Variants in FANCB observed in about 807,000 individuals in gnomAD.
The protein encoded by FANCB is Fanconi anemia group B protein.
Under a neutral mutation model 38.9 loss-of-function variants are expected in FANCB, and 5 were observed. The observed-to-expected ratio is 0.13, with a 90% CI of 0.07 to 0.27. FANCB has a LOEUF of 0.27. FANCB is among the 10% of genes least tolerant of loss of function. The pLI is 1.00. For missense variants in FANCB, 573 were observed against 602.7 expected, an observed-to-expected ratio of 0.95 and a Z score of 0.52; for synonymous variants, 236 against 215.4, an observed-to-expected ratio of 1.10 and a Z score of -0.84.
At chrX:14,869,184 C>T (rs1272367048) in intron 1 of FANCB, 141 bp from the exon 2 acceptor site, 1 of 112,031 alleles carries the variant, frequency 8.9e-6, no homozygotes, top group Non-Finnish European at 1.9e-5. Flanking sequence ...TGAGGTAAAG[C>T]TCTAAGAATT....
chrX:14,692,491 T>C, the FANCB span, among the ~76,000 whole-genome samples: 1 of 112,171 alleles, frequency 8.9e-6, no homozygotes, highest in South Asian at 3.7e-4. Context: ...CAACAACTTC[T>C]TTTACATATG....
the FANCB span, among the ~76,000 whole-genome samples, chrX:14,773,134 C>G: frequency 8.0e-5 from 9 of 112,378 alleles, no homozygotes; most frequent in Admixed American, 8.5e-4. Context: ...TGCTTCTAAT[C>G]AGCCATCTTG....
chrX:14,695,621 G>T, the FANCB span, among the ~76,000 whole-genome samples: 4 of 111,658 alleles, frequency 3.6e-5, no homozygotes, highest in East Asian at 1.1e-3. Flanking sequence ...TGGTGTAGTG[G>T]GTCTGAAGTG....
the FANCB span, among the ~76,000 whole-genome samples, chrX:14,808,709 G>C: frequency 1.8e-5 from 2 of 112,054 alleles, no homozygotes; most frequent in Non-Finnish European, 3.8e-5. Context: ...GGAAATCCTG[G>C]CTAGAGCAAT....
At chrX:14,717,567 ATCTT>A in the FANCB span, among the ~76,000 whole-genome samples, 1 of 93,949 alleles carries the variant, frequency 1.1e-5, no homozygotes, top group African/African-American at 5.2e-5. Context: ...TGTAGAGATC[ATCTT>A]TCTTTCTTAA....
the FANCB span, among the ~76,000 whole-genome samples, chrX:14,770,611 T>C: frequency 2.7e-5 from 3 of 111,968 alleles, no homozygotes; most frequent in Non-Finnish European, 5.6e-5. Context: ...TGCGTTTTAT[T>C]TGGGGCATTT....
the FANCB span, among the ~76,000 whole-genome samples, chrX:14,807,938 T>C: frequency 2.7e-5 from 3 of 111,630 alleles, no homozygotes; most frequent in African/African-American, 9.8e-5. Flanking sequence ...TGAGCAACCA[T>C]ATGCCAAAAA....
the FANCB span, among the ~76,000 whole-genome samples, chrX:14,813,390 A>G: frequency 1.8e-5 from 2 of 110,954 alleles, no homozygotes; most frequent in African/African-American, 6.6e-5. Context: ...CTATTTGCAG[A>G]TGACATGATT....
chrX:14,707,743 T>A, the FANCB span, among the ~76,000 whole-genome samples: 1 of 89,009 alleles, frequency 1.1e-5, no homozygotes, highest in Non-Finnish European at 2.2e-5. Flanking sequence ...TTTTCCTACT[T>A]TGACAGCAAA....
the FANCB span, among the ~76,000 whole-genome samples, chrX:14,810,221 CAG>C: frequency 8.9e-6 from 1 of 111,755 alleles, no homozygotes; most frequent in Middle Eastern, 4.2e-3. Context: ...GGGGAAAAAA[CAG>C]AGCAGGAAAA....
chrX:14,798,350 G>C, the FANCB span, among the ~76,000 whole-genome samples: 1 of 110,373 alleles, frequency 9.1e-6, no homozygotes, highest in South Asian at 3.9e-4. Flanking sequence ...TTTTAGTAGA[G>C]ACGGGGTTTC....
chrX:14,788,776 A>C, the FANCB span, among the ~76,000 whole-genome samples: 1 of 112,268 alleles, frequency 8.9e-6, no homozygotes, highest in African/African-American at 3.2e-5. Context: ...ACATGTGGCC[A>C]GTGGCTACCA....
At chrX:14,711,204 T>C in the FANCB span, among the ~76,000 whole-genome samples, 12 of 112,597 alleles carry the variant, frequency 1.1e-4, no homozygotes, top group Admixed American at 2.8e-4. Flanking sequence ...CTTCCTCATG[T>C]GTTGTCACTT....
intron 7 of FANCB, among the ~76,000 whole-genome samples, chrX:14,847,300 C>G (rs186043541): frequency 3.9e-4 from 43 of 110,042 alleles, no homozygotes; most frequent in African/African-American, 1.4e-3. Flanking sequence ...TAAAAAATTA[C>G]CAGGCAGATC....
At chrX:14,721,761 A>T in the FANCB span, among the ~76,000 whole-genome samples, 1 of 111,515 alleles carries the variant, frequency 9.0e-6, no homozygotes, top group Non-Finnish European at 1.9e-5. Flanking sequence ...CTACTTGGAC[A>T]CTTAATGGCC....
At chrX:14,740,493 C>G in the FANCB span, among the ~76,000 whole-genome samples, 1 of 111,689 alleles carries the variant, frequency 9.0e-6, no homozygotes, top group Non-Finnish European at 1.9e-5. Context: ...ATTCGTCTAC[C>G]TGGCACCCTC....
At chrX:14,706,139 T>C in the FANCB span, among the ~76,000 whole-genome samples, 1 of 87,254 alleles carries the variant, frequency 1.1e-5, no homozygotes, top group African/African-American at 4.0e-5. Context: ...TCCCAGGTGG[T>C]TGCAATGTGA....
chrX:14,859,357 G>A, intron 3 of FANCB, 23 bp from the exon 4 acceptor site: 6 of 1,128,389 alleles, frequency 5.3e-6, no homozygotes, highest in Non-Finnish European at 7.3e-6. Flanking sequence ...GAGCATTATA[G>A]GAGGAGTAGA....
At chrX:14,752,026 T>C in the FANCB span, among the ~76,000 whole-genome samples, 5 of 111,764 alleles carry the variant, frequency 4.5e-5, no homozygotes, top group African/African-American at 9.8e-5. Flanking sequence ...ATTTCTGTCA[T>C]TGTGATTCTT....
Sources: gnomAD v4.1 joint callset for allele counts (sites outside exome capture counted in the v4.1 genomes callset) on GRCh38, gnomAD v4.1.1 for gene constraint, MANE v1.5 for transcripts, NCBI Gene and HGNC (gene_info 2026-07-23, HGNC 2026-07-21) for gene names.